The following CTBP2 variants were observed in gnomAD, a reference collection of about 807,000 sequenced individuals.
The protein encoded by CTBP2 is C-terminal-binding protein 2.
Under a neutral mutation model 80.3 loss-of-function variants are expected in CTBP2, and 30 were observed. The observed-to-expected ratio is 0.37, with a 90% CI of 0.28 to 0.51. The LOEUF (loss-of-function observed/expected upper bound fraction) is 0.51. CTBP2 is among the 20% of genes least tolerant of loss of function. The pLI, the probability that CTBP2 is intolerant of heterozygous loss-of-function variation, is 0.93. For synonymous variants in CTBP2, 594 were observed against 587.4 expected, an observed-to-expected ratio of 1.01 and a Z score of -0.16; for missense variants, 1,212 against 1,375.3, an observed-to-expected ratio of 0.88 and a Z score of 1.88.
At chr10:125,049,641 C>T (rs1328729734) in intron 2 of CTBP2, among the ~76,000 whole-genome samples, 2 of 152,246 alleles carry the variant, frequency 1.3e-5, no homozygotes, top group South Asian at 2.1e-4. Flanking sequence ...GGTGGAGACC[C>T]GCAGGCATGG....
chr10:125,063,902 G>A (rs1212226787), intron 2 of CTBP2, among the ~76,000 whole-genome samples: 2 of 152,124 alleles, frequency 1.3e-5, no homozygotes, highest in Non-Finnish European at 2.9e-5. Flanking sequence ...ACTCCATCAG[G>A]CACGGTTTTC....
intron 1 of CTBP2, among the ~76,000 whole-genome samples, chr10:125,020,326 C>A (rs1394098141): frequency 6.6e-6 from 1 of 152,042 alleles, no homozygotes; most frequent in Non-Finnish European, 1.5e-5. Context: ...GACAGCACAG[C>A]CACACAAAAC....
chr10:125,049,046 G>GACACACACACACACACACAC (rs1178000125), intron 2 of CTBP2, among the ~76,000 whole-genome samples: 1,469 of 89,542 alleles, frequency 0.016, 69 homozygotes, highest in East Asian at 0.063. Context: ...CCTGACCACA[G>GACACACACACACACACACAC]ACACACACAC....
chr10:125,090,841 G>A (rs1310312048), intron 2 of CTBP2, among the ~76,000 whole-genome samples: 2 of 152,200 alleles, frequency 1.3e-5, no homozygotes, highest in Non-Finnish European at 2.9e-5. Flanking sequence ...CAGCAAGTTG[G>A]CAAAGTGCTT....
intron 2 of CTBP2, among the ~76,000 whole-genome samples, chr10:125,108,211 T>C (rs540913027): frequency 6.6e-6 from 1 of 152,328 alleles, no homozygotes; most frequent in South Asian, 2.1e-4. Context: ...ACGAGCCTCT[T>C]GTCAGGAGAA....
intron 2 of CTBP2, among the ~76,000 whole-genome samples, chr10:125,078,078 A>T (rs1043719042): frequency 6.6e-6 from 1 of 152,144 alleles, no homozygotes; most frequent in Non-Finnish European, 1.5e-5. Flanking sequence ...CAGGAGATCG[A>T]CACCATCCTG....
At chr10:125,037,932 G>A (rs959370270) in intron 3 of CTBP2, among the ~76,000 whole-genome samples, 3 of 152,090 alleles carry the variant, frequency 2.0e-5, no homozygotes, top group Non-Finnish European at 4.4e-5. Flanking sequence ...AAAACTGAAT[G>A]GAATATTGGT....
intron 2 of CTBP2, among the ~76,000 whole-genome samples, chr10:125,108,763 C>T (rs1412382548): frequency 1.3e-5 from 2 of 152,236 alleles, no homozygotes; most frequent in African/African-American, 4.8e-5. Context: ...TCAGTGTGTG[C>T]GTGGGCCGTG....
intron 1 of CTBP2, among the ~76,000 whole-genome samples, chr10:125,145,572 A>C (rs1858614979): frequency 6.6e-6 from 1 of 152,198 alleles, no homozygotes; most frequent in African/African-American, 2.4e-5. Context: ...AACAGGGCAC[A>C]AACAGCCACT....
Position 125,081,386 on chromosome 10 carries a change from A to C in CTBP2, c.-102+29604T>G, listed in dbSNP as rs1847147987. On this transcript the variant is annotated intron_variant, in intron 2 of 10. Coordinates refer to the CTBP2 transcript ENST00000337195. ...AATATTAGATATGATTATCAATGTT[A>C]ATTTCCTGACCTTGATACTTGTCTT... Among the ~76,000 whole-genome samples the C allele has an allele frequency of 2.0e-5, 3 of 152,236 alleles. No individual in the cohort carries two copies. In the South Asian group the frequency reaches 6.2e-4, roughly 31 times the overall value.
intron 1 of CTBP2, among the ~76,000 whole-genome samples, chr10:125,023,526 A>G (rs1957258516): frequency 6.6e-6 from 1 of 152,188 alleles, no homozygotes; most frequent in South Asian, 2.1e-4. Context: ...ATAGCCGGCC[A>G]GGTCAGCCTG....
At chr10:125,102,006 A>G (rs1436194179) in intron 2 of CTBP2, among the ~76,000 whole-genome samples, 4 of 152,126 alleles carry the variant, frequency 2.6e-5, no homozygotes, top group Admixed American at 2.6e-4. Flanking sequence ...CAGTCCCCAT[A>G]ATGTCATTCC....
chr10:125,161,273 A>G (rs1861873581), upstream of CTBP2: 1 of 151,504 alleles, frequency 6.6e-6, no homozygotes, highest in African/African-American at 2.4e-5. Context: ...CCCGCCCGGG[A>G]GGCCCTCGGG....
intron 3 of CTBP2, among the ~76,000 whole-genome samples, chr10:125,002,520 G>C (rs541248937): frequency 1.6e-4 from 25 of 152,354 alleles, no homozygotes; most frequent in African/African-American, 5.3e-4. Context: ...CAGAACGGGA[G>C]GCCCAGGTTC....
At chr10:125,108,019 G>C (rs1851714293) in intron 2 of CTBP2, among the ~76,000 whole-genome samples, 2 of 152,292 alleles carry the variant, frequency 1.3e-5, no homozygotes, top group African/African-American at 4.8e-5. Context: ...CAACAAAATA[G>C]TACTAAAAAA....
chr10:125,130,849 T>C (rs961302994), intron 1 of CTBP2, among the ~76,000 whole-genome samples: 5 of 152,046 alleles, frequency 3.3e-5, no homozygotes, highest in African/African-American at 7.2e-5. Context: ...CGCCCCCTCA[T>C]TTTAGAGGGA....
chr10:125,043,390 TG>T (rs1384863652), intron 2 of CTBP2, among the ~76,000 whole-genome samples: 1 of 152,206 alleles, frequency 6.6e-6, no homozygotes. Context: ...CACAAAAACC[TG>T]GGATCAACTC....
At chr10:125,072,300 C>T (rs1301814741) in intron 2 of CTBP2, among the ~76,000 whole-genome samples, 1 of 151,580 alleles carries the variant, frequency 6.6e-6, no homozygotes, top group African/African-American at 2.4e-5. Context: ...ACGTACAGCT[C>T]CTATCTGTCC....
intron 1 of CTBP2, among the ~76,000 whole-genome samples, chr10:125,120,021 A>G (rs1854047862): frequency 6.6e-6 from 1 of 152,258 alleles, no homozygotes; most frequent in Non-Finnish European, 1.5e-5. Context: ...TGCAAGTTCG[A>G]TACAGAAAAG....
Sources: allele counts gnomAD v4.1 joint callset (sites outside exome capture counted in the v4.1 genomes callset), GRCh38; gene constraint gnomAD v4.1.1; transcripts MANE v1.5; gene names NCBI Gene and HGNC (gene_info 2026-07-23, HGNC 2026-07-21).